The following TRRAP variants were observed in gnomAD, a reference collection of about 807,000 sequenced individuals.
TRRAP encodes the protein transformation/transcription domain-associated protein.
In TRRAP, 41 loss-of-function variants were observed where a neutral mutation model predicts 438.8. That is an observed-to-expected ratio of 0.09 (90% CI 0.07 to 0.12). The LOEUF (loss-of-function observed/expected upper bound fraction) is 0.12. TRRAP is among the 10% of genes least tolerant of loss of function. TRRAP has a pLI of 1.00. For synonymous variants in TRRAP, 1,994 were observed against 1,962.9 expected, an observed-to-expected ratio of 1.02 and a Z score of -0.42; for missense variants, 3,122 against 5,055.1, an observed-to-expected ratio of 0.62 and a Z score of 11.60.
rs1554406358 is a variant in TRRAP at position 98,899,801 on chromosome 7, C to T, written c.800+34C>T. 5 of 1,602,828 alleles carry T rather than the reference C, an allele frequency of 3.1e-6. No individual in the cohort carries two copies. The East Asian group carries it at 6.7e-5, about 22-fold the overall frequency. ...TCACTGTAGCCGGCTGCCACAGTGC[C>T]TGGATTCCAAGTAAAAATACACTTG... On this transcript the variant is annotated intron_variant, in intron 10 of 72. Coordinates refer to ENST00000456197, the MANE Select transcript of TRRAP (RefSeq NM_001375524.1).
rs538854983 is a variant in TRRAP, at chr7:98,976,764, G to A, written c.8241G>A (p.Pro2747=). The A allele has an allele frequency of 1.2e-5, 19 of 1,612,782 alleles. No individual in the cohort carries two copies. Among genetic ancestry groups the A allele is most frequent in the South Asian group, 8.8e-5 (8 of 91,062 alleles). ...ATGAGCAGGAGAGCATCACCCCGCCGCAGCAGGTGAGGGTGCGCCTCAGTT... is the reference window on the plus strand; with the variant it reads ...ATGAGCAGGAGAGCATCACCCCGCCACAGCAGGTGAGGGTGCGCCTCAGTT... ...EFYEQESITP[P]QQEILDSLAE... The change falls in exon 55 of 73, where the codon CCG becomes CCA. Residue 2747 remains proline, a synonymous_variant. Transcript: ENST00000456197. The surrounding 1 kb of genome is among the most constrained non-coding windows in gnomAD (Gnocchi z 4.6).
intron 70 of TRRAP, among the ~76,000 whole-genome samples, chr7:99,009,884 T>C (rs945511675): frequency 1.4e-5 from 2 of 144,690 alleles, no homozygotes; most frequent in African/African-American, 5.1e-5. Flanking sequence ...TCTTCTCTTT[T>C]TTTTTTTTTT....
chr7:98,990,730 T>C, intron 64 of TRRAP, 111 bp downstream of exon 64: 1 of 1,214,910 alleles, frequency 8.2e-7, no homozygotes, highest in Non-Finnish European at 1.1e-6. Flanking sequence ...TAAAAACAAG[T>C]TAAAGAGATG....
At position 98,953,273 on chromosome 7, in the gene TRRAP, A is replaced by G; in HGVS notation, c.5570A>G (p.Asn1857Ser). ...VEHAPHHIHD[N>S]NKNRNSKLRR... The stretch of plus-strand genomic sequence containing the variant: ...CACGCCCCCCACCACATCCATGACA[A>G]CAACAAGAACCGCAACAGCAAGCTG... The change falls in exon 40 of 73, where the codon AAC (asparagine) becomes AGC (serine). Residue 1857 changes from asparagine (N) to serine (S), a missense_variant. By Grantham distance (46) the Asn-to-Ser change is conservative. This residue lies in a region of TRRAP where 272 missense variants were observed against 348.5 expected (regional missense o/e 0.78). Transcript: ENST00000456197. 6.2e-7 allele frequency: 1 copy of G among 1,613,800 alleles called. No individual in the cohort carries two copies. Among genetic ancestry groups the G allele is most frequent in the Non-Finnish European group, 8.5e-7 (1 of 1,180,004 alleles).
rs139436921 is a variant in TRRAP, at chr7:99,005,152, T to A, written c.10557T>A (p.Ile3519=). 6.4e-5 allele frequency: 104 copies of A among 1,613,786 alleles called. No homozygotes were observed. Among genetic ancestry groups the A allele is most frequent in the African/African-American group, 3.1e-4 (23 of 75,040 alleles). ...KIARFMPRVE[I]VQKHNTAARR... is the part of the protein sequence containing the mutation. ...GCAGGTTCATGCCCCGGGTAGAGAT[T>A]GTGCAGAAGCACAACACCGCAGCCC... Residue 3519 remains isoleucine, a synonymous_variant, in exon 69 of 73, where the codon ATT becomes ATA. Transcript: ENST00000456197. This position sits in a 1 kb window ranked among gnomAD's most constrained non-coding sequence, Gnocchi z 5.1.
intron 22 of TRRAP, among the ~76,000 whole-genome samples, chr7:98,925,665 G>C (rs1790017445): frequency 3.3e-5 from 5 of 152,188 alleles, no homozygotes; most frequent in Admixed American, 3.3e-4. Context: ...TGTGATGTCT[G>C]TATCTTGCTC....
Position 98,956,973 on chromosome 7 carries a change from T to C in TRRAP, c.6231+440T>C, listed in dbSNP as rs1791647936. On this transcript the variant is annotated intron_variant, in intron 43 of 72. Transcript: ENST00000456197. This position sits in a 1 kb window ranked among gnomAD's most constrained non-coding sequence, Gnocchi z 4.5. Reference sequence around the variant, plus strand: ...CTGACCCCAGCTGGTGTCATGGACCTGCTGGCTTGTGGACGCAGGCCTGGC... The same window carrying C: ...CTGACCCCAGCTGGTGTCATGGACCCGCTGGCTTGTGGACGCAGGCCTGGC... 6.6e-6 allele frequency among the ~76,000 whole-genome samples: 1 copy of C among 152,058 alleles called. No individual in the cohort carries two copies. Among genetic ancestry groups the C allele is most frequent in the South Asian group, 2.1e-4 (1 of 4,816 alleles).
chr7:98,978,353 A>G (rs1231350471), intron 57 of TRRAP, 30 bp downstream of exon 57: 1 of 1,566,076 alleles, frequency 6.4e-7, no homozygotes, highest in Admixed American at 1.8e-5. Context: ...TGACGTGTGC[A>G]TGAATCAGTT....
At chr7:98,935,726 A>T (rs1554414112) in intron 28 of TRRAP, 51 bp downstream of exon 28, 2 of 1,453,686 alleles carry the variant, frequency 1.4e-6, no homozygotes, top group Non-Finnish European at 1.9e-6. Context: ...GACTGACCAC[A>T]GGAGGTCTAT....
At chr7:98,924,983 C>A (rs375482846) in intron 21 of TRRAP, 129 bp from the exon 22 acceptor site, 1 of 1,292,046 alleles carries the variant, frequency 7.7e-7, no homozygotes, top group Non-Finnish European at 1.0e-6. Context: ...CCAGCCCAGG[C>A]GACAGAGCGA....
chr7:98,939,765 C>A (rs911690227), intron 30 of TRRAP, among the ~76,000 whole-genome samples: 3 of 152,244 alleles, frequency 2.0e-5, no homozygotes, highest in Admixed American at 2.0e-4. Context: ...GGCCCATGAG[C>A]TCTATGCATG....
At chr7:98,925,612 C>T (rs560432001) in intron 22 of TRRAP, among the ~76,000 whole-genome samples, 26 of 152,316 alleles carry the variant, frequency 1.7e-4, no homozygotes, top group African/African-American at 6.3e-4. Flanking sequence ...AGTGGACCCT[C>T]TGCATTTTCA....
chr7:98,965,043 G>C (rs41639), intron 48 of TRRAP, among the ~76,000 whole-genome samples: 16,228 of 152,320 alleles, frequency 0.11, 946 homozygotes, highest in East Asian at 0.26. Flanking sequence ...ATGAGGCCCA[G>C]AGTTGGAGGC....
In TRRAP at chr7:98,976,067, G is replaced by A; in HGVS notation, c.7840-82G>A. ...AGGAGCATCGGTAATGTATGAGACA[G>A]ATCATGGGTGTCTTCTGAGCGTGGT... On this transcript the variant is annotated intron_variant, in intron 53 of 72. Transcript: ENST00000456197. The surrounding 1 kb of genome is among the most constrained non-coding windows in gnomAD (Gnocchi z 4.6). 6 of 1,552,098 alleles carry A rather than the reference G, an allele frequency of 3.9e-6. No homozygotes were observed. The highest frequency in any genetic ancestry group is 5.3e-6 in the Non-Finnish European group (6 of 1,141,354).
intron 1 of TRRAP, 77 bp from the exon 2 acceptor site, chr7:98,881,013 C>G (rs968477615): frequency 1.3e-5 from 7 of 542,484 alleles, no homozygotes; most frequent in African/African-American, 1.2e-4. Context: ...ATTATGTAGG[C>G]CTTTAGGTAA....
Position 98,937,608 on chromosome 7 carries a change from C to T in TRRAP, c.4234-42C>T, listed in dbSNP as rs1300501970. ...GAGTTCTGTTCTATTATGAAGTGTC[C>T]TCAGTTGTCTATTTTTCTTTACAAC... On this transcript the variant is annotated intron_variant, in intron 29 of 72. Transcript: ENST00000456197. The T allele has an allele frequency of 5.1e-6, 8 of 1,568,340 alleles. No homozygotes were observed. In the African/African-American group the frequency reaches 1.1e-4, roughly 22 times the overall value.
intron 58 of TRRAP, among the ~76,000 whole-genome samples, chr7:98,980,497 AAAAAG>A (rs1180669528): frequency 1.3e-5 from 2 of 151,828 alleles, no homozygotes; most frequent in Non-Finnish European, 2.9e-5. Context: ...GAGCCAAAAA[AAAAAG>A]AAAAGGCCTT....
intron 45 of TRRAP, among the ~76,000 whole-genome samples, chr7:98,960,759 T>TTGTGTGTG (rs35384186): frequency 3.9e-4 from 57 of 144,926 alleles, no homozygotes; most frequent in African/African-American, 1.3e-3. Flanking sequence ...GCCTGGCTTT[T>TTGTGTGTG]TGTGTGTGTG....
At position 98,886,770 on chromosome 7, in the gene TRRAP, G is replaced by T. The variant is rs10953276; in HGVS notation, c.151-3565G>T. 5.2e-3 allele frequency among the ~76,000 whole-genome samples: 792 copies of T among 152,122 alleles called. 4 individuals are homozygous for T. The highest frequency in any genetic ancestry group is 0.02 in the Middle Eastern group (6 of 294). On this transcript the variant is annotated intron_variant, in intron 3 of 72. Transcript: ENST00000456197. ...AGTCTTACAGATTCATTATTAAATG[G>T]GCCATCTTTCAAGACAAAATAAACC...
Sources: gnomAD v4.1 joint callset for allele counts (sites outside exome capture counted in the v4.1 genomes callset) on GRCh38, gnomAD v4.1.1 for gene constraint, gnomAD v4.1.1 regional missense constraint, Gnocchi (gnomAD v3.1) non-coding constraint, MANE v1.5 for transcripts, NCBI Gene and HGNC (gene_info 2026-07-23, HGNC 2026-07-21) for gene names.